BMPER: variants seen among roughly 807,000 people sequenced by gnomAD.
BMPER encodes BMP binding endothelial regulator.
Under a neutral mutation model 87.3 loss-of-function variants are expected in BMPER, and 45 were observed. The observed-to-expected ratio is 0.52, with a 90% CI of 0.41 to 0.66. The LOEUF (loss-of-function observed/expected upper bound fraction) is 0.66. Among genes scored for constraint, BMPER ranks in the 30% least tolerant of loss-of-function variants. BMPER has a pLI of 0.00. For synonymous variants in BMPER, 326 were observed against 316.2 expected, an observed-to-expected ratio of 1.03 and a Z score of -0.33; for missense variants, 784 against 867.5, an observed-to-expected ratio of 0.90 and a Z score of 1.21.
chr7:33,932,966 C>G (rs964841810), intron 2 of BMPER, among the ~76,000 whole-genome samples: 2 of 152,222 alleles, frequency 1.3e-5, no homozygotes, highest in African/African-American at 4.8e-5. Context: ...GCTCATTTCT[C>G]TCCCCATCAG....
intron 3 of BMPER, among the ~76,000 whole-genome samples, chr7:33,965,209 G>A (rs913005566): frequency 1.3e-5 from 2 of 152,204 alleles, no homozygotes; most frequent in Non-Finnish European, 2.9e-5. Context: ...TTTCCCTAAT[G>A]TGTTTCCAAT....
At chr7:34,020,880 A>ACGCACG (rs1787164680) in intron 6 of BMPER, among the ~76,000 whole-genome samples, 1 of 151,622 alleles carries the variant, frequency 6.6e-6, no homozygotes, top group Admixed American at 6.6e-5. Context: ...ACACACACAC[A>ACGCACG]CACACACACA....
At chr7:33,921,064 C>T (rs921780762) in intron 2 of BMPER, among the ~76,000 whole-genome samples, 1 of 152,142 alleles carries the variant, frequency 6.6e-6, no homozygotes, top group Non-Finnish European at 1.5e-5. Context: ...CTCACTTGTT[C>T]CTTGAAGACT....
upstream of BMPER, chr7:33,905,499 C>G: frequency 3.6e-6 from 5 of 1,407,798 alleles, no homozygotes; most frequent in South Asian, 6.1e-5. Flanking sequence ...CTCCCTCCTT[C>G]GCGGACGGTC....
At chr7:34,089,301 A>G (rs547820969) in intron 13 of BMPER, among the ~76,000 whole-genome samples, 115 of 152,332 alleles carry the variant, frequency 7.5e-4, no homozygotes, top group African/African-American at 2.5e-3. Flanking sequence ...GGAAGGGAGA[A>G]TGCAAATAGA....
chr7:33,969,224 A>G (rs942344585), intron 4 of BMPER, among the ~76,000 whole-genome samples: 1 of 152,216 alleles, frequency 6.6e-6, no homozygotes, highest in African/African-American at 2.4e-5. Context: ...ATCCCATCAC[A>G]GACAGCAACA....
chr7:34,024,384 A>AATATATATATATATAT (rs200214350), intron 6 of BMPER, among the ~76,000 whole-genome samples: 1 of 23,432 alleles, frequency 4.3e-5, no homozygotes, highest in Non-Finnish European at 6.7e-5. Flanking sequence ...AAAAAAAAAC[A>AATATATATATATATAT]ATATATATAT....
intron 6 of BMPER, among the ~76,000 whole-genome samples, chr7:33,992,559 G>A (rs934009543): frequency 9.4e-5 from 14 of 149,172 alleles, no homozygotes; most frequent in Admixed American, 4.0e-4. Context: ...GATGGGTCTT[G>A]ACTCTTTATC....
intron 9 of BMPER, among the ~76,000 whole-genome samples, chr7:34,057,677 C>T (rs1788319556): frequency 6.6e-6 from 1 of 152,150 alleles, no homozygotes; most frequent in Non-Finnish European, 1.5e-5. Context: ...TTAGTCTTAT[C>T]AAACGGGAAA....
chr7:33,979,743 T>C (rs1264900254), intron 6 of BMPER, among the ~76,000 whole-genome samples: 1 of 152,188 alleles, frequency 6.6e-6, no homozygotes, highest in Non-Finnish European at 1.5e-5. Context: ...CCAGCTCCAA[T>C]GGATGAACTG....
At chr7:33,950,253 A>T (rs1204529114) in intron 3 of BMPER, among the ~76,000 whole-genome samples, 1 of 152,074 alleles carries the variant, frequency 6.6e-6, no homozygotes, top group Non-Finnish European at 1.5e-5. Context: ...GGTCTCCCTG[A>T]TGTCTCATAT....
At position 34,079,131 on chromosome 7, in the gene BMPER, G is replaced by A. The variant is rs755124664; in HGVS notation, c.1353G>A (p.Ala451=). ...NGSRIALPCR[A]PHFHIDLDGY... ...CGCGCATCGCGCTCCCCTGCCGCGCGCCACACTTCCACATCGACCTGGATG... is the reference window on the plus strand; with the variant it reads ...CGCGCATCGCGCTCCCCTGCCGCGCACCACACTTCCACATCGACCTGGATG... Residue 451 remains alanine, a synonymous_variant, in exon 12 of 15, where the codon GCG becomes GCA. Coordinates refer to ENST00000649409, the MANE Select transcript of BMPER (RefSeq NM_001365308.1). 1.2e-6 allele frequency: 2 copies of A among 1,613,906 alleles called. No homozygotes were observed.
At chr7:34,119,010 T>TCACACACACACACACA (rs1177104407) in intron 13 of BMPER, among the ~76,000 whole-genome samples, 1 of 33,968 alleles carries the variant, frequency 2.9e-5, no homozygotes, top group East Asian at 2.4e-3. Context: ...TCTCTCTCTC[T>TCACACACACACACACA]CTCTCACACA....
At chr7:33,967,470 G>T (rs1390416050) in intron 4 of BMPER, among the ~76,000 whole-genome samples, 1 of 152,122 alleles carries the variant, frequency 6.6e-6, no homozygotes, top group African/African-American at 2.4e-5. Context: ...CCTATTATAT[G>T]CCATGATAGG....
intron 3 of BMPER, among the ~76,000 whole-genome samples, chr7:33,955,800 C>A (rs893310360): frequency 6.6e-6 from 1 of 152,148 alleles, no homozygotes; most frequent in Admixed American, 6.5e-5. Context: ...AGGAATCAGT[C>A]TACCCAATTT....
chr7:34,137,196 T>TA (rs1422008931), intron 13 of BMPER, among the ~76,000 whole-genome samples: 2 of 152,124 alleles, frequency 1.3e-5, no homozygotes, highest in East Asian at 1.9e-4. Flanking sequence ...GTCATTAAAT[T>TA]AAAAAAAATT....
chr7:34,109,981 C>T (rs10224203), intron 13 of BMPER, among the ~76,000 whole-genome samples: 89,620 of 151,912 alleles, frequency 0.59, 26,917 homozygotes, highest in East Asian at 0.85. Context: ...CTGACAGTCA[C>T]TATACAGCAA....
Position 34,078,869 on chromosome 7 carries a change from G to A in BMPER, c.1091G>A (p.Cys364Tyr). Residue 364 changes from cysteine to tyrosine, a missense_variant, in exon 12 of 15, where the codon TGC becomes TAC. Cys to Tyr is a radical substitution (Grantham distance 194, BLOSUM62 -2). Coordinates refer to ENST00000649409, the MANE Select transcript of BMPER (RefSeq NM_001365308.1). ...CACTCCTCCGCAGAGCCCGGCGTTT[G>A]CACGGTGTTTGGAGATCCCCACTAC... is the stretch of plus-strand genomic sequence containing the variant. ...CPICTEKPGVCTVFGDPHYNT... is the reference protein window; with the variant it reads ...CPICTEKPGVYTVFGDPHYNT... The A allele has an allele frequency of 6.2e-7, 1 of 1,614,080 alleles. No individual in the cohort carries two copies. The highest frequency in any genetic ancestry group is 8.5e-7 in the Non-Finnish European group (1 of 1,180,026).
At chr7:33,980,883 C>T (rs1785838856) in intron 6 of BMPER, among the ~76,000 whole-genome samples, 2 of 152,368 alleles carry the variant, frequency 1.3e-5, no homozygotes, top group South Asian at 2.1e-4. Flanking sequence ...AACACCTTTG[C>T]TCTCACTTAC....
Sources: gnomAD v4.1 joint callset for allele counts (sites outside exome capture counted in the v4.1 genomes callset) on GRCh38, gnomAD v4.1.1 for gene constraint, MANE v1.5 for transcripts, NCBI Gene and HGNC (gene_info 2026-07-23, HGNC 2026-07-21) for gene names.